Variants in IQUB observed in about 807,000 individuals in gnomAD.
IQUB encodes the protein IQ motif and ubiquitin domain containing, also known as IQ motif and ubiquitin-like domain-containing protein.
In IQUB, 86 loss-of-function variants were observed where a neutral mutation model predicts 86.4. The observed-to-expected ratio is 1.00, with a 90% CI of 0.84 to 1.19. IQUB has a LOEUF of 1.19. Among genes scored for constraint, IQUB ranks in the 50% most tolerant of loss-of-function variants. The pLI, the probability that IQUB is intolerant of heterozygous loss-of-function variation, is 0.00. For missense variants in IQUB, 946 were observed against 916.9 expected (o/e 1.03, Z -0.41); for synonymous variants, 289 against 304.5 (o/e 0.95, Z 0.53).
Position 123,512,128 on chromosome 7 carries a change from C to T in IQUB, c.213G>A (p.Leu71=), listed in dbSNP as rs988545675. 1 of 1,613,928 alleles carries T rather than the reference C, an allele frequency of 6.2e-7. No individual in the cohort carries two copies. Among genetic ancestry groups the T allele is most frequent in the Non-Finnish European group, 8.5e-7 (1 of 1,179,934 alleles). Residue 71 remains leucine (L), a synonymous_variant, in exon 2 of 13, where the codon CTG becomes CTA. Transcript: ENST00000324698. The stretch of plus-strand genomic sequence containing the variant: ...CCATGAGTTGTTCATTGTCTGGTTC[C>T]AGGCTTGAAAAGCTTTGGTCACTCT... The part of the protein sequence containing the change: ...EEQSDQSFSS[L]EPDNEQLMEE...
intron 6 of IQUB, among the ~76,000 whole-genome samples, chr7:123,500,791 A>C (rs1171295059): frequency 6.6e-6 from 1 of 152,080 alleles, no homozygotes; most frequent in East Asian, 1.9e-4. Flanking sequence ...TGCTCTACTA[A>C]GTCAAGTTAA....
At chr7:123,526,934 T>G (rs1471522891) in intron 1 of IQUB, among the ~76,000 whole-genome samples, 1 of 152,154 alleles carries the variant, frequency 6.6e-6, no homozygotes, top group Non-Finnish European at 1.5e-5. Context: ...CTGTAAAGTA[T>G]TTTATTTCTC....
At chr7:123,495,404 C>T (rs1157528925) in intron 7 of IQUB, among the ~76,000 whole-genome samples, 1 of 151,902 alleles carries the variant, frequency 6.6e-6, no homozygotes, top group African/African-American at 2.4e-5. Context: ...GACTCAATAT[C>T]TGATGCTTAA....
intron 3 of IQUB, 33 bp from the exon 4 acceptor site, chr7:123,503,396 A>G (rs748570214): frequency 1.6e-6 from 2 of 1,225,106 alleles, no homozygotes; most frequent in Non-Finnish European, 2.3e-6. Context: ...TAAAAGTTTT[A>G]TGACAAAGAA....
intron 8 of IQUB, among the ~76,000 whole-genome samples, chr7:123,473,559 T>C (rs1209674286): frequency 6.6e-6 from 1 of 151,878 alleles, no homozygotes; most frequent in East Asian, 1.9e-4. Flanking sequence ...GCTTTGTGAG[T>C]TCTTTTGTTT....
intron 7 of IQUB, among the ~76,000 whole-genome samples, chr7:123,490,955 A>G (rs768709044): frequency 9.4e-5 from 14 of 149,642 alleles, no homozygotes; most frequent in Non-Finnish European, 2.1e-4. Context: ...CAAGAGCAAA[A>G]CACCATCTTG....
chr7:123,530,491 C>G (rs910657230), intron 1 of IQUB, among the ~76,000 whole-genome samples: 6 of 151,710 alleles, frequency 4.0e-5, no homozygotes, highest in Admixed American at 2.0e-4. Context: ...ACCAAAAAAC[C>G]CTCCAACTCA....
At chr7:123,519,653 G>GA (rs1796813380) in intron 1 of IQUB, among the ~76,000 whole-genome samples, 2 of 152,166 alleles carry the variant, frequency 1.3e-5, no homozygotes, top group African/African-American at 4.8e-5. Context: ...AGAAGGGCAG[G>GA]AGGGAGGAAG....
At chr7:123,517,189 A>G (rs1318166251) in intron 1 of IQUB, among the ~76,000 whole-genome samples, 1 of 152,112 alleles carries the variant, frequency 6.6e-6, no homozygotes, top group Non-Finnish European at 1.5e-5. Flanking sequence ...GGGGGAATAT[A>G]TCATTGTTAT....
chr7:123,470,889 T>G (rs1794490747), intron 8 of IQUB, among the ~76,000 whole-genome samples: 1 of 151,556 alleles, frequency 6.6e-6, no homozygotes, highest in Non-Finnish European at 1.5e-5. Flanking sequence ...AATGACAGTA[T>G]CAGGAGGGAA....
chr7:123,456,018 C>T lies in IQUB; in HGVS notation c.2193+1363G>A, dbSNP rs576818168. On this transcript the variant is annotated intron_variant, in intron 12 of 12. Transcript: ENST00000324698. ...GAACATTAAGAAAATTCTGAAAATG[C>T]TCCATCTTTCTGCAAGATATAAACT... Among the ~76,000 whole-genome samples the T allele has an allele frequency of 1.8e-4, 27 of 152,140 alleles. 1 individual carries two copies. The South Asian group carries it at 5.2e-3, about 29-fold the overall frequency.
intron 7 of IQUB, among the ~76,000 whole-genome samples, chr7:123,480,253 T>G (rs1794945777): frequency 5.9e-5 from 9 of 152,122 alleles, no homozygotes. Flanking sequence ...GACAAAAATA[T>G]GACTTGCACT....
chr7:123,513,337 A>C (rs1420788340), intron 1 of IQUB, among the ~76,000 whole-genome samples: 1 of 152,220 alleles, frequency 6.6e-6, no homozygotes, highest in Non-Finnish European at 1.5e-5. Context: ...GTAAACTGGA[A>C]GATAAATAAA....
At chr7:123,484,325 C>T (rs1795127139) in intron 7 of IQUB, among the ~76,000 whole-genome samples, 1 of 151,966 alleles carries the variant, frequency 6.6e-6, no homozygotes, top group Admixed American at 6.6e-5. Context: ...ACTTTACCAA[C>T]CAAAAGAACT....
intron 8 of IQUB, among the ~76,000 whole-genome samples, chr7:123,475,292 C>A (rs1490158717): frequency 6.7e-6 from 1 of 148,432 alleles, no homozygotes; most frequent in Non-Finnish European, 1.5e-5. Flanking sequence ...AAAGTATTTA[C>A]AAAAAAACAA....
At chr7:123,515,950 AT>A (rs1418523676) in intron 1 of IQUB, among the ~76,000 whole-genome samples, 1 of 152,148 alleles carries the variant, frequency 6.6e-6, no homozygotes, top group African/African-American at 2.4e-5. Context: ...GGATGTGGGG[AT>A]TTTTTACGTG....
At chr7:123,522,949 C>T (rs548164973) in intron 1 of IQUB, among the ~76,000 whole-genome samples, 27 of 146,750 alleles carry the variant, frequency 1.8e-4, no homozygotes, top group Middle Eastern at 3.8e-3. Context: ...TGAGAATATG[C>T]GGTGTTTGGT....
At chr7:123,498,730 G>A (rs907675561) in intron 6 of IQUB, among the ~76,000 whole-genome samples, 4 of 152,246 alleles carry the variant, frequency 2.6e-5, no homozygotes, top group Non-Finnish European at 5.9e-5. Flanking sequence ...GTAAATAGAG[G>A]GAAAAGGAAC....
chr7:123,469,168 T>A (rs748775171), intron 9 of IQUB, 46 bp downstream of exon 9: 2 of 1,259,952 alleles, frequency 1.6e-6, no homozygotes, highest in South Asian at 2.3e-5. Flanking sequence ...AATTTTTTTT[T>A]ATTGACAGTG....
Sources: allele counts gnomAD v4.1 joint callset (sites outside exome capture counted in the v4.1 genomes callset), GRCh38; gene constraint gnomAD v4.1.1; transcripts MANE v1.5; gene names NCBI Gene and HGNC (gene_info 2026-07-23, HGNC 2026-07-21).